PRPS2: variants seen among roughly 807,000 people sequenced by gnomAD.
PRPS2 encodes the protein ribose-phosphate pyrophosphokinase 2.
For synonymous variants in PRPS2, 111 were observed against 115.3 expected (o/e 0.96, Z 0.24); for missense variants, 104 against 271.5 (o/e 0.38, Z 4.34).
At chrX:12,819,111 G>A (rs775764431) in intron 4 of PRPS2, among the ~76,000 whole-genome samples, 1 of 112,718 alleles carries the variant, frequency 8.9e-6, no homozygotes, top group Non-Finnish European at 1.9e-5. Flanking sequence ...TTAGATGGCT[G>A]TATTAACCAG....
intron 2 of PRPS2, among the ~76,000 whole-genome samples, chrX:12,803,267 G>C (rs1458967333): frequency 2.7e-5 from 3 of 111,794 alleles, no homozygotes; most frequent in Non-Finnish European, 5.6e-5. Flanking sequence ...GTCTCCATCA[G>C]ATCTCTCGCT....
chrX:12,816,600 G>A (rs112473158), intron 4 of PRPS2, among the ~76,000 whole-genome samples: 2 of 111,809 alleles, frequency 1.8e-5, no homozygotes, highest in African/African-American at 6.5e-5. Context: ...ACCATGCTTA[G>A]CTACTATATG....
intron 4 of PRPS2, among the ~76,000 whole-genome samples, chrX:12,811,598 G>A (rs1215965876): frequency 8.9e-6 from 1 of 111,770 alleles, no homozygotes. Flanking sequence ...CAGTGAGGAA[G>A]CAAGGAAGCT....
In PRPS2 at chrX:12,791,545, C is replaced by T; in HGVS notation, c.48C>T (p.Ser16=). ...LFSGSSHQDL[S]QRVADRLGLE... The stretch of plus-strand genomic sequence containing the variant: ...GCGGCAGCTCGCATCAGGACCTGTC[C>T]CAGCGCGTGGCCGACCGCCTGGGCC... Residue 16 remains serine (S), a synonymous_variant, in exon 1 of 7, where the codon TCC becomes TCT. Coordinates refer to ENST00000380668, the MANE Select transcript of PRPS2 (RefSeq NM_002765.5). 1 of 1,203,421 alleles carries T rather than the reference C, an allele frequency of 8.3e-7. No individual in the cohort carries two copies. Among genetic ancestry groups the T allele is most frequent in the South Asian group, 1.8e-5 (1 of 56,554 alleles).
chrX:12,819,594 C>A lies in PRPS2; in HGVS notation c.618C>A (p.Val206=), dbSNP rs1044323540. 1.7e-6 allele frequency: 2 copies of A among 1,210,471 alleles called. No individual in the cohort carries two copies. The highest frequency in any genetic ancestry group is 2.2e-5 in the Admixed American group (1 of 45,874). The part of the protein sequence containing the change: ...RKKANEVDRM[V]LVGDVKDRVA... The stretch of plus-strand genomic sequence containing the variant: ...AGGCGAATGAAGTGGACCGGATGGT[C>A]CTGGTGGGCGACGTGAAGGACCGTG... Residue 206 remains valine (V), a synonymous_variant, in exon 5 of 7, where the codon GTC becomes GTA. Coordinates refer to ENST00000380668, the MANE Select transcript of PRPS2 (RefSeq NM_002765.5).
chrX:12,793,600 G>A, intron 1 of PRPS2, among the ~76,000 whole-genome samples: 1 of 112,362 alleles, frequency 8.9e-6, no homozygotes. Flanking sequence ...AACTGTACAA[G>A]TACAGAGCTT....
intron 4 of PRPS2, among the ~76,000 whole-genome samples, chrX:12,814,919 G>C (rs1002373950): frequency 8.9e-6 from 1 of 111,819 alleles, no homozygotes; most frequent in African/African-American, 3.3e-5. Context: ...TCTCTCCTGG[G>C]GGAGCTGATA....
Position 12,810,070 on chromosome X carries a change from C to T in PRPS2, c.454C>T (p.Leu152=). The T allele has an allele frequency of 8.3e-7, 1 of 1,211,519 alleles. No individual in the cohort carries two copies. The highest frequency in any genetic ancestry group is 1.1e-6 in the Non-Finnish European group (1 of 895,206). Residue 152 remains leucine, a synonymous_variant, in exon 4 of 7, where the codon CTG becomes TTG. Coordinates refer to ENST00000380668, the MANE Select transcript of PRPS2 (RefSeq NM_002765.5). ...VDNLYAEPAV[L]QWIRENIAEW... is the part of the protein sequence containing the mutation. ...TAATTTGTATGCGGAGCCCGCAGTC[C>T]TGCAGTGGATTCGGGAAAACATTGC...
At chrX:12,817,170 G>A (rs1569097828) in intron 4 of PRPS2, among the ~76,000 whole-genome samples, 1 of 110,300 alleles carries the variant, frequency 9.1e-6, no homozygotes, top group South Asian at 3.9e-4. Context: ...TGTTTCCTAC[G>A]GAAATAAAAA....
intron 1 of PRPS2, among the ~76,000 whole-genome samples, chrX:12,796,265 G>C (rs2042543053): frequency 1.1e-5 from 1 of 91,552 alleles, no homozygotes; most frequent in African/African-American, 4.2e-5. Context: ...TTGTTGCCCA[G>C]GCTGGAGTGC....
chrX:12,822,837 T>C lies in PRPS2; in HGVS notation c.*41T>C. ...TGTCCAGCAAGCCTACTCTGACTTCTGACTTGTTTTTGTTTTCTGGATTTT... is the reference window on the plus strand; with the variant it reads ...TGTCCAGCAAGCCTACTCTGACTTCCGACTTGTTTTTGTTTTCTGGATTTT... On this transcript the variant is annotated 3_prime_UTR_variant, in exon 7 of 7. Transcript: ENST00000380668. The C allele has an allele frequency of 8.9e-7, 1 of 1,123,049 alleles. No homozygotes were observed. Among genetic ancestry groups the C allele is most frequent in the Non-Finnish European group, 1.2e-6 (1 of 817,957 alleles). 92.6% of individuals were successfully genotyped at this position (1,123,049 alleles called of 1,213,427 possible).
At chrX:12,803,833 T>C (rs965489317) in intron 2 of PRPS2, among the ~76,000 whole-genome samples, 13 of 112,126 alleles carry the variant, frequency 1.2e-4, no homozygotes, top group Admixed American at 7.6e-4. Context: ...AAGGACACTT[T>C]GAGCTTTGAG....
intron 4 of PRPS2, among the ~76,000 whole-genome samples, chrX:12,817,468 T>TAA (rs765566895): frequency 0.048 from 3,192 of 67,155 alleles, 160 homozygotes; most frequent in African/African-American, 0.13. Context: ...ATGTTCCTCA[T>TAA]AAAAAAAAAA....
At chrX:12,799,700 G>A (rs915311693) in intron 2 of PRPS2, among the ~76,000 whole-genome samples, 1 of 111,880 alleles carries the variant, frequency 8.9e-6, no homozygotes, top group Non-Finnish European at 1.9e-5. Flanking sequence ...ATGCACAAGA[G>A]TACAAGTCAA....
chrX:12,791,763 GCGCCCC>G (rs2042519999), intron 1 of PRPS2, 144 bp downstream of exon 1: 1 of 577,694 alleles, frequency 1.7e-6, no homozygotes, highest in Admixed American at 8.7e-5. Context: ...CGCGGCCTCC[GCGCCCC>G]CGCGCCCGCG....
rs895716805 is a variant in PRPS2, at chrX:12,791,671, C to G, written c.122+52C>G. 4 of 910,405 alleles carry G rather than the reference C, an allele frequency of 4.4e-6. No homozygotes were observed. In the African/African-American group the frequency reaches 8.4e-5, roughly 19 times the overall value. 75.0% of individuals were successfully genotyped at this position (910,405 alleles called of 1,213,427 possible). The stretch of plus-strand genomic sequence containing the variant: ...AGGGAGAGCGCTGGGCACGCGGCTG[C>G]GGGGCCGGGTTGGGGGCCGGCGCCT... On this transcript the variant is annotated intron_variant, in intron 1 of 6. Coordinates refer to ENST00000380668, the MANE Select transcript of PRPS2 (RefSeq NM_002765.5).
At chrX:12,804,693 G>A (rs2042585310) in intron 2 of PRPS2, among the ~76,000 whole-genome samples, 1 of 111,156 alleles carries the variant, frequency 9.0e-6, no homozygotes, top group South Asian at 3.8e-4. Flanking sequence ...GGGGGGTGAG[G>A]GTTAGGGGAA....
intron 2 of PRPS2, 148 bp from the exon 3 acceptor site, chrX:12,809,086 A>G (rs943299552): frequency 8.2e-6 from 4 of 484,923 alleles, no homozygotes; most frequent in African/African-American, 7.2e-5. Flanking sequence ...TGGAATGAAT[A>G]TATCTTTTGC....
rs755891607 is a variant in PRPS2 at position 12,797,000 on chromosome X, G to A, written c.123-2207G>A. Among the ~76,000 whole-genome samples the A allele has an allele frequency of 4.1e-4, 45 of 108,847 alleles. No individual in the cohort carries two copies. The South Asian group carries it at 4.5e-3, about 11-fold the overall frequency. 94.5% of individuals were successfully genotyped at this position (108,847 alleles called of 115,157 possible). A position where few individuals can be genotyped will look rare whatever the true frequency, so the allele number is the denominator to read the frequency against. ...ATGATGTCGACACTCAGAAAGTTTC[G>A]GATTTCAGAATTTCGGATTAGGGTT... On this transcript the variant is annotated intron_variant, in intron 1 of 6. Coordinates refer to ENST00000380668, the MANE Select transcript of PRPS2 (RefSeq NM_002765.5).
Sources: allele counts gnomAD v4.1 joint callset (sites outside exome capture counted in the v4.1 genomes callset), GRCh38; gene constraint gnomAD v4.1.1; transcripts MANE v1.5; gene names NCBI Gene and HGNC (gene_info 2026-07-23, HGNC 2026-07-21).